LDLRAD4: variants seen among roughly 807,000 people sequenced by gnomAD.
LDLRAD4 encodes the protein low-density lipoprotein receptor class A domain-containing protein 4.
Under a neutral mutation model 17.0 loss-of-function variants are expected in LDLRAD4, and 5 were observed. The ratio of observed to expected loss-of-function variants is 0.29; its 90% confidence interval spans 0.15 to 0.62. The LOEUF (loss-of-function observed/expected upper bound fraction) is 0.62. Ranked by LOEUF, LDLRAD4 falls within the 20% of genes least tolerant of loss-of-function variation. The pLI, the probability that LDLRAD4 is intolerant of heterozygous loss-of-function variation, is 0.84. For synonymous variants in LDLRAD4, 168 were observed against 171.8 expected, an observed-to-expected ratio of 0.98 and a Z score of 0.17; for missense variants, 340 against 424.7, an observed-to-expected ratio of 0.80 and a Z score of 1.75.
intron 3 of LDLRAD4, among the ~76,000 whole-genome samples, chr18:13,593,715 A>C (rs886328979): frequency 6.6e-6 from 1 of 152,136 alleles, no homozygotes; most frequent in East Asian, 1.9e-4. Context: ...TCAGCCTCCT[A>C]AGTAGTTGGG....
chr18:13,282,818 A>C (rs2045363316), intron 1 of LDLRAD4, among the ~76,000 whole-genome samples: 1 of 152,192 alleles, frequency 6.6e-6, no homozygotes, highest in South Asian at 2.1e-4. Context: ...GGGGCTCCCT[A>C]GCAGAGGTTC....
upstream of LDLRAD4, among the ~76,000 whole-genome samples, chr18:13,277,430 C>A (rs1481413527): frequency 6.6e-6 from 1 of 152,184 alleles, no homozygotes; most frequent in African/African-American, 2.4e-5. Context: ...GGTGCGATGC[C>A]CACAGAGCAT....
chr18:13,482,884 C>T (rs574511747), intron 3 of LDLRAD4, among the ~76,000 whole-genome samples: 1 of 152,308 alleles, frequency 6.6e-6, no homozygotes, highest in South Asian at 2.1e-4. Context: ...TGAGTTTTCT[C>T]TCCTATGTTA....
At chr18:13,436,714 C>T (rs2090681235) in intron 2 of LDLRAD4, among the ~76,000 whole-genome samples, 1 of 152,188 alleles carries the variant, frequency 6.6e-6, no homozygotes, top group South Asian at 2.1e-4. Context: ...AATCTTTCCA[C>T]CTTATGGAAA....
intron 3 of LDLRAD4, among the ~76,000 whole-genome samples, chr18:13,539,121 G>A (rs944507802): frequency 1.3e-5 from 2 of 152,190 alleles, no homozygotes; most frequent in African/African-American, 4.8e-5. Context: ...AGAGTAGAGT[G>A]ATTGCTTTTA....
chr18:13,407,231 G>A lies in LDLRAD4; in HGVS notation c.40+19469G>A, dbSNP rs373129031. On this transcript the variant is annotated intron_variant, in intron 2 of 5. Coordinates refer to ENST00000359446, the Ensembl canonical transcript of LDLRAD4. ...GCGACTCTGGTGCACCCCTCATAGA[G>A]GCTGCTCTGAATGTGGCTCCAGAGC... Among the ~76,000 whole-genome samples, 8 of 152,264 alleles carry A rather than the reference G, an allele frequency of 5.3e-5. No individual in the cohort carries two copies. In the South Asian group the frequency reaches 1.0e-3, roughly 20 times the overall value.
chr18:13,403,627 T>C (rs555915589), intron 2 of LDLRAD4, among the ~76,000 whole-genome samples: 1 of 152,330 alleles, frequency 6.6e-6, no homozygotes, highest in South Asian at 2.1e-4. Context: ...CCCCTTCTGA[T>C]GGTGAATGTG....
chr18:13,612,800 A>G, intron 3 of LDLRAD4: 1 of 1,613,676 alleles, frequency 6.2e-7, no homozygotes, highest in Non-Finnish European at 8.5e-7. Context: ...ACTGCTATGG[A>G]TGATGCATGC....
intron 3 of LDLRAD4, among the ~76,000 whole-genome samples, chr18:13,573,727 A>G (rs1198736419): frequency 6.6e-6 from 1 of 152,216 alleles, no homozygotes; most frequent in African/African-American, 2.4e-5. Flanking sequence ...GGGCAGTGAC[A>G]GTCTTTTGGT....
At chr18:13,232,700 T>C (rs953380595) in intron 1 of LDLRAD4, among the ~76,000 whole-genome samples, 22 of 152,198 alleles carry the variant, frequency 1.4e-4, no homozygotes, top group African/African-American at 5.1e-4. Context: ...GATCCCCTGC[T>C]TGCGTTCCAA....
At chr18:13,642,217 G>A in intron 4 of LDLRAD4, 3 of 986,004 alleles carry the variant, frequency 3.0e-6, no homozygotes, top group Non-Finnish European at 3.6e-6. Flanking sequence ...TTTCTTCCGC[G>A]CCGTCCCTCG....
intron 3 of LDLRAD4, among the ~76,000 whole-genome samples, chr18:13,457,585 G>A (rs1405914332): frequency 6.6e-6 from 1 of 152,246 alleles, no homozygotes; most frequent in African/African-American, 2.4e-5. Context: ...GGTTGGGGAA[G>A]TTCTGTTTCC....
chr18:13,536,930 A>G (rs541182762), intron 3 of LDLRAD4, among the ~76,000 whole-genome samples: 2 of 152,184 alleles, frequency 1.3e-5, no homozygotes, highest in Non-Finnish European at 2.9e-5. Flanking sequence ...GTATTGATTA[A>G]GTTTTCAGAT....
intron 3 of LDLRAD4, chr18:13,489,879 GGGA>G (rs1374537816): frequency 6.6e-6 from 1 of 152,224 alleles, no homozygotes; most frequent in Non-Finnish European, 1.5e-5. Flanking sequence ...AGAAGAAGGA[GGGA>G]GGAGATTTGT....
At position 13,565,826 on chromosome 18, in the gene LDLRAD4, G is replaced by T. The variant is rs545448904; in HGVS notation, c.182-55291G>T. Among the ~76,000 whole-genome samples, 16 of 152,364 alleles carry T rather than the reference G, an allele frequency of 1.1e-4. No homozygotes were observed. The South Asian group carries it at 3.3e-3, about 32-fold the overall frequency. On this transcript the variant is annotated intron_variant, in intron 3 of 5. Coordinates refer to ENST00000359446, the Ensembl canonical transcript of LDLRAD4. ...GACAGAGCTCCTCCATGCTTGCGGG[G>T]TCGCACATTTTGGACGGGGCCTTAA... is the stretch of plus-strand genomic sequence containing the variant.
chr18:13,500,102 C>A (rs1382634804), intron 3 of LDLRAD4, among the ~76,000 whole-genome samples: 1 of 152,184 alleles, frequency 6.6e-6, no homozygotes, highest in African/African-American at 2.4e-5. Flanking sequence ...AAACTCCTTA[C>A]AATGTGATGT....
intron 1 of LDLRAD4, among the ~76,000 whole-genome samples, chr18:13,380,411 G>C (rs2085265056): frequency 6.6e-6 from 1 of 152,186 alleles, no homozygotes; most frequent in Non-Finnish European, 1.5e-5. Flanking sequence ...CCAGGATCCA[G>C]ACACCTGGTT....
At chr18:13,559,813 G>A (rs997538791) in intron 3 of LDLRAD4, among the ~76,000 whole-genome samples, 1 of 152,206 alleles carries the variant, frequency 6.6e-6, no homozygotes, top group Non-Finnish European at 1.5e-5. Context: ...GTTGCCCATG[G>A]AGGAGTTGGC....
chr18:13,590,440 C>G (rs2095006677), intron 3 of LDLRAD4, among the ~76,000 whole-genome samples: 1 of 152,160 alleles, frequency 6.6e-6, no homozygotes, highest in Admixed American at 6.5e-5. Flanking sequence ...GGCCCCAAAT[C>G]AGAAACATGG....
Sources: gnomAD v4.1 joint callset for allele counts (sites outside exome capture counted in the v4.1 genomes callset) on GRCh38, gnomAD v4.1.1 for gene constraint, MANE v1.5 for transcripts, NCBI Gene and HGNC (gene_info 2026-07-23, HGNC 2026-07-21) for gene names.